Variants in ZBTB20 observed in about 807,000 individuals in gnomAD.
The protein encoded by ZBTB20 is zinc finger and BTB domain containing 20, also known as zinc finger and BTB domain-containing protein 20.
ZBTB20 carries 9 observed loss-of-function variants against 56.9 expected under a neutral mutation model. The ratio of observed to expected loss-of-function variants is 0.16; its 90% CI spans 0.10 to 0.28. The LOEUF (loss-of-function observed/expected upper bound fraction) is 0.28, where lower values mean the gene tolerates loss of function less well. Ranked by LOEUF, ZBTB20 falls within the 10% of genes least tolerant of loss-of-function variation. The probability of loss-of-function intolerance (pLI) is 1.00; values close to 1 mark genes in which losing one functional copy is unlikely to be tolerated. For missense variants in ZBTB20, 655 were observed against 1,003.0 expected, an observed-to-expected ratio of 0.65 and a Z score of 4.69; for synonymous variants, 417 against 420.7, an observed-to-expected ratio of 0.99 and a Z score of 0.11.
At chr3:114,763,892 A>T (rs2068606504) in intron 5 of ZBTB20, among the ~76,000 whole-genome samples, 1 of 152,200 alleles carries the variant, frequency 6.6e-6, no homozygotes, top group African/African-American at 2.4e-5. Flanking sequence ...ATTTTCAAAT[A>T]TATTAGAGGA....
chr3:114,656,775 A>G (rs1031587796), intron 6 of ZBTB20, among the ~76,000 whole-genome samples: 3 of 151,904 alleles, frequency 2.0e-5, no homozygotes, highest in African/African-American at 7.3e-5. Context: ...ACAGGGTCTC[A>G]CTCTGTTGCC....
chr3:114,672,248 C>G (rs36012804), intron 6 of ZBTB20, among the ~76,000 whole-genome samples: 2 of 151,932 alleles, frequency 1.3e-5, no homozygotes, highest in East Asian at 3.9e-4. Flanking sequence ...AAATAAAAAA[C>G]GTAAAACCCA....
intron 2 of ZBTB20, among the ~76,000 whole-genome samples, chr3:115,043,511 C>T (rs1006618822): frequency 1.3e-5 from 2 of 151,036 alleles, no homozygotes; most frequent in African/African-American, 4.9e-5. Context: ...AGAGGTTGCA[C>T]TGAGCCGAGA....
chr3:115,082,556 C>T (rs1432386475), intron 1 of ZBTB20, among the ~76,000 whole-genome samples: 1 of 152,078 alleles, frequency 6.6e-6, no homozygotes, highest in African/African-American at 2.4e-5. Flanking sequence ...AACATATGGA[C>T]AAACGGACGG....
chr3:114,510,416 T>C (rs1275294762), intron 6 of ZBTB20, among the ~76,000 whole-genome samples: 1 of 152,104 alleles, frequency 6.6e-6, no homozygotes. Context: ...AGTCTGCACA[T>C]GCATGGTTCC....
chr3:114,803,124 CT>C (rs1308436471), intron 4 of ZBTB20, among the ~76,000 whole-genome samples: 2 of 150,090 alleles, frequency 1.3e-5, no homozygotes, highest in African/African-American at 4.9e-5. Flanking sequence ...TTTCTTATTC[CT>C]TTTTCCTTCT....
rs149335964 is a variant in ZBTB20 at position 114,497,394 on chromosome 3, A to G, written c.-255+2958T>C. On this transcript the variant is annotated intron_variant, in intron 7 of 11. Coordinates refer to ENST00000675478, the MANE Select transcript of ZBTB20 (RefSeq NM_001348800.3). ...AGGTCCCCTGCCTGCTTTCCAGCCC[A>G]ATCTCATACTACTCTTTCAACCACC... Among the ~76,000 whole-genome samples the G allele has an allele frequency of 1.2e-3, 183 of 152,262 alleles. 2 individuals carry two copies. The East Asian group carries it at 0.022, about 18-fold the overall frequency.
intron 6 of ZBTB20, among the ~76,000 whole-genome samples, chr3:114,555,383 C>T (rs1286832231): frequency 6.6e-6 from 1 of 152,010 alleles, no homozygotes; most frequent in Non-Finnish European, 1.5e-5. Flanking sequence ...GAATCTCACG[C>T]CTGTCGACAT....
chr3:114,676,706 C>A (rs2061646403), intron 6 of ZBTB20, among the ~76,000 whole-genome samples: 1 of 151,444 alleles, frequency 6.6e-6, no homozygotes, highest in Admixed American at 6.6e-5. Flanking sequence ...TTAGTGAGAA[C>A]TTACTCACTG....
At chr3:114,914,903 A>C (rs1444795513) in intron 3 of ZBTB20, among the ~76,000 whole-genome samples, 2 of 151,882 alleles carry the variant, frequency 1.3e-5, no homozygotes, top group African/African-American at 4.8e-5. Flanking sequence ...ATAATCATTG[A>C]GGCCTGGGAT....
At chr3:114,654,793 T>C (rs929864375) in intron 6 of ZBTB20, among the ~76,000 whole-genome samples, 1 of 152,186 alleles carries the variant, frequency 6.6e-6, no homozygotes, top group African/African-American at 2.4e-5. Context: ...CAATTGTTAT[T>C]GTAGATTTTA....
At chr3:115,142,295 C>T (rs2084833389) in intron 1 of ZBTB20, among the ~76,000 whole-genome samples, 1 of 152,124 alleles carries the variant, frequency 6.6e-6, no homozygotes, top group African/African-American at 2.4e-5. Context: ...GATCAACCAT[C>T]CTTACCAGAA....
intron 7 of ZBTB20, among the ~76,000 whole-genome samples, chr3:114,431,738 G>T (rs1466743403): frequency 6.6e-6 from 1 of 152,098 alleles, no homozygotes; most frequent in Non-Finnish European, 1.5e-5. Context: ...AAAGTTCTGG[G>T]TATTTGTCTA....
chr3:114,984,996 T>C (rs781573897), intron 2 of ZBTB20, among the ~76,000 whole-genome samples: 15 of 152,022 alleles, frequency 9.9e-5, no homozygotes, highest in Non-Finnish European at 2.9e-5. Flanking sequence ...CATCATTCAG[T>C]CCTCAACTCA....
At chr3:114,931,009 A>C (rs1344207890) in intron 3 of ZBTB20, 1 of 176,490 alleles carries the variant, frequency 5.7e-6, no homozygotes, top group African/African-American at 2.4e-5. Flanking sequence ...AAAAGAACGA[A>C]GGACGGGAGA....
intron 1 of ZBTB20, among the ~76,000 whole-genome samples, chr3:115,131,549 A>C (rs2084506221): frequency 6.6e-6 from 1 of 152,184 alleles, no homozygotes; most frequent in African/African-American, 2.4e-5. Flanking sequence ...TTACCACTAC[A>C]ATAAAGTTAC....
At chr3:114,446,715 T>C (rs1487039450) in intron 7 of ZBTB20, among the ~76,000 whole-genome samples, 2 of 152,206 alleles carry the variant, frequency 1.3e-5, no homozygotes, top group South Asian at 2.1e-4. Context: ...AGGTTGGCAC[T>C]GTTTCAGTGT....
chr3:114,603,648 G>T (rs899286223), intron 6 of ZBTB20, among the ~76,000 whole-genome samples: 4 of 151,638 alleles, frequency 2.6e-5, no homozygotes, highest in African/African-American at 9.7e-5. Context: ...AGCTCACATA[G>T]ATAAAAGGAT....
At chr3:115,020,889 A>T (rs999784877) in intron 2 of ZBTB20, among the ~76,000 whole-genome samples, 1 of 150,942 alleles carries the variant, frequency 6.6e-6, no homozygotes, top group African/African-American at 2.4e-5. Flanking sequence ...TATTAAACAG[A>T]AATTTCTTTT....
Sources: gnomAD v4.1 joint callset for allele counts (sites outside exome capture counted in the v4.1 genomes callset) on GRCh38, gnomAD v4.1.1 for gene constraint, MANE v1.5 for transcripts, NCBI Gene and HGNC (gene_info 2026-07-23, HGNC 2026-07-21) for gene names.